KIAA1671: variants seen among roughly 807,000 people sequenced by gnomAD.
KIAA1671 encodes the protein KIAA1671, also known as uncharacterized protein KIAA1671.
In KIAA1671, 52 loss-of-function variants were observed where a neutral mutation model predicts 131.2. That is an observed-to-expected ratio of 0.40 (90% CI 0.32 to 0.50). The LOEUF (loss-of-function observed/expected upper bound fraction) is 0.50, where lower values mean the gene tolerates loss of function less well. KIAA1671 is among the 20% of genes least tolerant of loss of function. KIAA1671 has a pLI of 0.73. For synonymous variants in KIAA1671, 1,003 were observed against 961.6 expected, an observed-to-expected ratio of 1.04 and a Z score of -0.80; for missense variants, 2,360 against 2,364.2, an observed-to-expected ratio of 1.00 and a Z score of 0.04.
chr22:25,180,173 CA>C (rs1934217193), intron 9 of KIAA1671, among the ~76,000 whole-genome samples: 1 of 152,214 alleles, frequency 6.6e-6, no homozygotes, highest in Non-Finnish European at 1.5e-5. Context: ...AGGCAGGGGC[CA>C]GATCATGGAG....
At chr22:25,082,051 T>C (rs1170055635) in intron 6 of KIAA1671, among the ~76,000 whole-genome samples, 2 of 152,112 alleles carry the variant, frequency 1.3e-5, no homozygotes, top group Non-Finnish European at 2.9e-5. Flanking sequence ...CCGTGCCCTC[T>C]ACCCGCACTG....
At chr22:25,058,856 G>C (rs536061920) in intron 6 of KIAA1671, 1 of 152,306 alleles carries the variant, frequency 6.6e-6, no homozygotes, top group African/African-American at 2.4e-5. Flanking sequence ...TGACTCGAAG[G>C]CTGGGCTCCT....
chr22:25,102,121 A>G (rs1331101358), intron 6 of KIAA1671, among the ~76,000 whole-genome samples: 1 of 152,236 alleles, frequency 6.6e-6, no homozygotes, highest in Non-Finnish European at 1.5e-5. Flanking sequence ...ACATTCCAGG[A>G]TTAACATCTG....
intron 7 of KIAA1671, 111 bp downstream of exon 7, chr22:25,171,049 A>AT (rs2146013752): frequency 1.3e-6 from 1 of 798,748 alleles, no homozygotes; most frequent in Admixed American, 2.6e-5. Flanking sequence ...GTCTGTAATT[A>AT]TAAAAGGAAC....
chr22:25,038,234 T>C (rs759965974), intron 4 of KIAA1671, among the ~76,000 whole-genome samples: 16 of 152,218 alleles, frequency 1.1e-4, no homozygotes, highest in Non-Finnish European at 1.8e-4. Flanking sequence ...ACTCCTGGAC[T>C]TAAGCGATTC....
intron 6 of KIAA1671, chr22:25,063,218 GTTTGTT>G (rs1407274191): frequency 6.6e-6 from 1 of 152,118 alleles, no homozygotes; most frequent in Non-Finnish European, 1.5e-5. Flanking sequence ...CACCGCCCGG[GTTTGTT>G]TTTAAGTTTT....
intron 6 of KIAA1671, among the ~76,000 whole-genome samples, chr22:25,098,636 G>A (rs1468821355): frequency 2.6e-5 from 4 of 151,270 alleles, no homozygotes; most frequent in Non-Finnish European, 5.9e-5. Flanking sequence ...GGGGGCGGGG[G>A]GGGGTTTGCT....
chr22:25,180,732 A>G (rs1476116418), intron 9 of KIAA1671, among the ~76,000 whole-genome samples: 1 of 152,212 alleles, frequency 6.6e-6, no homozygotes, highest in East Asian at 1.9e-4. Flanking sequence ...GCTTCTGACC[A>G]GATACCTTAA....
chr22:25,062,827 C>CCCGGCCA (rs1257589891), intron 6 of KIAA1671: 3 of 98,936 alleles, frequency 3.0e-5, no homozygotes, highest in African/African-American at 1.1e-4. Context: ...CACCCCCGCC[C>CCCGGCCA]CCCGCCACCC....
chr22:25,032,559 G>A, intron 3 of KIAA1671, 50 bp from the exon 4 acceptor site: 1 of 1,207,840 alleles, frequency 8.3e-7, no homozygotes, highest in Non-Finnish European at 1.2e-6. Flanking sequence ...GTGGGCTGGG[G>A]GGAATAACAG....
intron 6 of KIAA1671, among the ~76,000 whole-genome samples, chr22:25,091,089 G>A (rs1231654788): frequency 6.6e-6 from 1 of 152,074 alleles, no homozygotes; most frequent in African/African-American, 2.4e-5. Flanking sequence ...ATGGAGTCTT[G>A]CTCTGTCACC....
intron 1 of KIAA1671, among the ~76,000 whole-genome samples, chr22:25,002,215 C>T (rs1176807136): frequency 6.6e-6 from 1 of 152,058 alleles, no homozygotes; most frequent in African/African-American, 2.4e-5. Flanking sequence ...AGTTTTTGCT[C>T]CTGGTAACCA....
intron 7 of KIAA1671, among the ~76,000 whole-genome samples, chr22:25,173,166 G>A (rs1482961259): frequency 6.6e-6 from 1 of 152,142 alleles, no homozygotes; most frequent in Non-Finnish European, 1.5e-5. Context: ...GATCTTGTGA[G>A]AGCTCACTCA....
chr22:25,043,884 C>T (rs1169965583), intron 5 of KIAA1671, among the ~76,000 whole-genome samples: 2 of 152,314 alleles, frequency 1.3e-5, no homozygotes, highest in South Asian at 2.1e-4. Context: ...CTTCCTTTGC[C>T]ACTTGCAGCT....
At chr22:25,130,611 G>T (rs1932399814) in intron 6 of KIAA1671, among the ~76,000 whole-genome samples, 1 of 152,194 alleles carries the variant, frequency 6.6e-6, no homozygotes, top group Non-Finnish European at 1.5e-5. Flanking sequence ...CCTGTGAGGG[G>T]CGGGGGACAC....
chr22:25,041,486 AC>A lies in KIAA1671; in HGVS notation c.4359del (p.Cys1454ValfsTer60). On this transcript the variant is annotated frameshift_variant, in exon 5 of 13. Transcript: ENST00000358431. LOFTEE classifies it high-confidence loss of function. ...GAGAGAATTTGGAGGCCAAAATGGG[AC>A]CCTGTTGGTGGGAGTCAGGGACTGG... is the stretch of plus-strand genomic sequence containing the variant. ...TGENLEAKMG[P>X]CWWESGTGDS... 6.4e-7 allele frequency: 1 copy of A among 1,550,822 alleles called. No homozygotes were observed. Among genetic ancestry groups the A allele is most frequent in the Non-Finnish European group, 8.7e-7 (1 of 1,146,726 alleles).
chr22:25,096,565 C>G (rs542140403), intron 6 of KIAA1671, among the ~76,000 whole-genome samples: 4 of 152,186 alleles, frequency 2.6e-5, no homozygotes, highest in Admixed American at 1.3e-4. Context: ...GTCCTTTGCC[C>G]TCAAAGTTCT....
rs1303659291 is a variant in KIAA1671 at position 24,956,823 on chromosome 22, GAT to G, written c.-208+4053_-208+4054del. Among the ~76,000 whole-genome samples the G allele has an allele frequency of 3.4e-5, 5 of 146,712 alleles. No individual in the cohort carries two copies. In the East Asian group the frequency reaches 1.0e-3, roughly 31 times the overall value. Reference sequence around the variant, plus strand: ...CGAGGCGGAGCTTACAGTGAGCCGAGATAGTGCCACTGCACTCCAGCCTGGGC... The same window carrying G: ...CGAGGCGGAGCTTACAGTGAGCCGAGAGTGCCACTGCACTCCAGCCTGGGC... On this transcript the variant is annotated intron_variant, in intron 1 of 12. Coordinates refer to ENST00000358431, the MANE Select transcript of KIAA1671 (RefSeq NM_001145206.2).
At chr22:25,147,594 C>T (rs1932908017) in intron 6 of KIAA1671, among the ~76,000 whole-genome samples, 1 of 152,156 alleles carries the variant, frequency 6.6e-6, no homozygotes, top group Non-Finnish European at 1.5e-5. Context: ...TGGCTGAGGC[C>T]CTCATCTCTT....
Sources: gnomAD v4.1 joint callset for allele counts (sites outside exome capture counted in the v4.1 genomes callset) on GRCh38, gnomAD v4.1.1 for gene constraint, MANE v1.5 for transcripts, NCBI Gene and HGNC (gene_info 2026-07-23, HGNC 2026-07-21) for gene names.